Variants in GNB3 observed in about 807,000 individuals in gnomAD.
GNB3 encodes the protein guanine nucleotide-binding protein G(I)/G(S)/G(T) subunit beta-3.
GNB3 carries 33 observed loss-of-function variants against 41.2 expected under a neutral mutation model. The ratio of observed to expected loss-of-function variants is 0.80; its 90% CI spans 0.61 to 1.07. The LOEUF is 1.07. Ranked by LOEUF, GNB3 falls within the 50% of genes least tolerant of loss-of-function variation. The pLI is 0.00. For missense variants in GNB3, 409 were observed against 455.3 expected, an observed-to-expected ratio of 0.90 and a Z score of 0.92; for synonymous variants, 172 against 173.4, an observed-to-expected ratio of 0.99 and a Z score of 0.06.
At chr12:6,841,746 A>T (rs781887592) in intron 3 of GNB3, 122 bp downstream of exon 3, 54 of 764,632 alleles carry the variant, frequency 7.1e-5, no homozygotes, top group Non-Finnish European at 1.1e-4. Context: ...GAAACCCATT[A>T]ATTAATTCAT....
rs111644697 is a variant in GNB3 at position 6,846,701 on chromosome 12, C to CCACA, written c.917-87_917-84dup. On this transcript the variant is annotated intron_variant, in intron 9 of 9. Transcript: ENST00000229264. ...CACACACCCACATACACACACACAC[C>CCACA]CACACACCCACACATACACTTACAC... The CCACA allele has an allele frequency of 0.33, 223,676 of 683,106 alleles. 38,025 individuals carry two copies. Among genetic ancestry groups the CCACA allele is most frequent in the African/African-American group, 0.48 (25,592 of 53,736 alleles). 42.3% of individuals were successfully genotyped at this position (683,106 alleles called of 1,614,324 possible). A position where few individuals can be genotyped will look rare whatever the true frequency, so the allele number is the denominator to read the frequency against.
intron 9 of GNB3, 138 bp from the exon 10 acceptor site, chr12:6,846,654 T>C (rs1412593726): frequency 8.1e-6 from 5 of 617,160 alleles, no homozygotes; most frequent in African/African-American, 7.3e-5. Flanking sequence ...CACACATGCA[T>C]ACACATGCAC....
chr12:6,841,916 G>A, intron 3 of GNB3: 1 of 594,598 alleles, frequency 1.7e-6, no homozygotes, highest in Non-Finnish European at 3.1e-6. Flanking sequence ...AAATTATAAA[G>A]CCCTTGTAGA....
In GNB3 at chr12:6,843,567, G is replaced by C; in HGVS notation, c.430+42G>C. 6.2e-7 allele frequency: 1 copy of C among 1,613,140 alleles called. No homozygotes were observed. On this transcript the variant is annotated intron_variant, in intron 6 of 9. Transcript: ENST00000229264. The surrounding 1 kb of genome is among the most constrained non-coding windows in gnomAD (Gnocchi z 5.9). The stretch of plus-strand genomic sequence containing the variant: ...CTCCTCCCCTCCTGAGGGGTTCAGG[G>C]AACCCTGGGCTTCCAGTGGGCTGTG...
intron 8 of GNB3, among the ~76,000 whole-genome samples, 162 bp downstream of exon 8, chr12:6,844,140 C>T (rs781832299): frequency 2.7e-4 from 30 of 112,010 alleles, no homozygotes; most frequent in African/African-American, 9.8e-4. Flanking sequence ...CTCACTTTGT[C>T]GCCCAGGCTG....
chr12:6,841,473 C>A, intron 2 of GNB3, 113 bp from the exon 3 acceptor site: 2 of 1,186,166 alleles, frequency 1.7e-6, no homozygotes, highest in South Asian at 1.3e-5. Flanking sequence ...AAACTTGGTT[C>A]GCATATTTGA....
In GNB3 at chr12:6,843,587, G is replaced by T; in HGVS notation, c.431-45G>T. On this transcript the variant is annotated intron_variant, in intron 6 of 9. Coordinates refer to ENST00000229264, the MANE Select transcript of GNB3 (RefSeq NM_002075.4). The surrounding 1 kb of genome is among the most constrained non-coding windows in gnomAD (Gnocchi z 5.9). ...TCAGGGAACCCTGGGCTTCCAGTGG[G>T]CTGTGGCTCTGCAGCCAGGGCACTG... The T allele has an allele frequency of 6.2e-7, 1 of 1,612,144 alleles. No homozygotes were observed. Among genetic ancestry groups the T allele is most frequent in the African/African-American group, 1.3e-5 (1 of 75,004 alleles).
rs1943612800 is a variant in GNB3 at position 6,843,355 on chromosome 12, C to T, written c.268-8C>T. 6.2e-7 allele frequency: 1 copy of T among 1,613,758 alleles called. No homozygotes were observed. Among genetic ancestry groups the T allele is most frequent in the Non-Finnish European group, 8.5e-7 (1 of 1,179,768 alleles). ...GTCCCATCTCTGCTCAAACCACCCT[C>T]CCTGCAGGTGCACGCCATCCCACTG... On this transcript the variant is annotated splice_polypyrimidine_tract_variant and splice_region_variant and intron_variant, in intron 5 of 9. Coordinates refer to ENST00000229264, the MANE Select transcript of GNB3 (RefSeq NM_002075.4). This position sits in a 1 kb window ranked among gnomAD's most constrained non-coding sequence, Gnocchi z 5.9.
At position 6,843,433 on chromosome 12, in the gene GNB3, C is replaced by T; in HGVS notation, c.338C>T (p.Ala113Val). 2 of 1,614,086 alleles carry T rather than the reference C, an allele frequency of 1.2e-6. No homozygotes were observed. The highest frequency in any genetic ancestry group is 1.7e-6 in the Non-Finnish European group (2 of 1,179,916). Reference protein sequence around the residue: ...CAYAPSGNFVACGGLDNMCSI... With the variant: ...CAYAPSGNFVVCGGLDNMCSI... ...TATGCCCCATCAGGGAACTTTGTGG[C>T]ATGTGGGGGGCTGGACAACATGTGT... The change falls in exon 6 of 10, where the codon GCA becomes GTA. Residue 113 changes from alanine (A) to valine (V), a missense_variant. By Grantham distance (64) the Ala-to-Val change is moderately conservative. Coordinates refer to ENST00000229264, the MANE Select transcript of GNB3 (RefSeq NM_002075.4). The surrounding 1 kb of genome is among the most constrained non-coding windows in gnomAD (Gnocchi z 5.9).
At chr12:6,841,389 G>T (rs781958487) in intron 2 of GNB3, 45 bp downstream of exon 2, 2 of 1,548,986 alleles carry the variant, frequency 1.3e-6, no homozygotes, top group East Asian at 4.5e-5. Context: ...AACAGCTGGG[G>T]ACATGAGGAG....
chr12:6,843,931 T>C lies in GNB3; in HGVS notation c.652T>C (p.Cys218Arg). The C allele has an allele frequency of 6.2e-7, 1 of 1,613,928 alleles. No individual in the cohort carries two copies. Among genetic ancestry groups the C allele is most frequent in the Non-Finnish European group, 8.5e-7 (1 of 1,179,910 alleles). ...AKLWDVREGT[C>R]RQTFTGHESD... ...GCTCTGGGATGTGCGAGAGGGGACC[T>C]GCCGTCAGACTTTCACTGGCCACGA... The change falls in exon 8 of 10, where the codon TGC becomes CGC. Residue 218 changes from cysteine (C) to arginine (R), a missense_variant. Cys to Arg is a radical substitution (Grantham distance 180). Coordinates refer to ENST00000229264, the MANE Select transcript of GNB3 (RefSeq NM_002075.4). This position sits in a 1 kb window ranked among gnomAD's most constrained non-coding sequence, Gnocchi z 5.9.
At chr12:6,841,658 G>C (rs781828735) in intron 3 of GNB3, 34 bp downstream of exon 3, 27 of 1,560,906 alleles carry the variant, frequency 1.7e-5, no homozygotes, top group South Asian at 6.8e-5. Flanking sequence ...GGCAGGGCAT[G>C]GGGGGAGGGG....
In GNB3 at chr12:6,843,755, C is replaced by G. The variant is rs1336885642; in HGVS notation, c.498-22C>G. 2 of 1,612,570 alleles carry G rather than the reference C, an allele frequency of 1.2e-6. No homozygotes were observed. The highest frequency in any genetic ancestry group is 1.3e-5 in the African/African-American group (1 of 74,910). On this transcript the variant is annotated intron_variant, in intron 7 of 9. Coordinates refer to ENST00000229264, the MANE Select transcript of GNB3 (RefSeq NM_002075.4). The surrounding 1 kb of genome is among the most constrained non-coding windows in gnomAD (Gnocchi z 5.9). ...GGGAGTGGGCCCGGCCTTTCTCTAA[C>G]AGTCTCCCTCCATTTTGGCAGTGCC...
Position 6,843,947 on chromosome 12 carries a change from C to T in GNB3, c.668C>T (p.Thr223Ile), listed in dbSNP as rs782349724. The change falls in exon 8 of 10, where the codon ACT becomes ATT. Residue 223 changes from threonine (T) to isoleucine (I), a missense_variant. Physicochemically the swap from Thr to Ile is moderately conservative, Grantham distance 89. Coordinates refer to ENST00000229264, the MANE Select transcript of GNB3 (RefSeq NM_002075.4). The surrounding 1 kb of genome is among the most constrained non-coding windows in gnomAD (Gnocchi z 5.9). ...VREGTCRQTF[T>I]GHESDINAIC... is the part of the protein sequence containing the mutation. ...GAGGGGACCTGCCGTCAGACTTTCA[C>T]TGGCCACGAGTCGGACATCAACGCC... The T allele has an allele frequency of 1.5e-5, 25 of 1,613,576 alleles. No homozygotes were observed. The highest frequency in any genetic ancestry group is 1.8e-5 in the Non-Finnish European group (21 of 1,179,722).
At chr12:6,845,163 T>G (rs1168787208) in intron 8 of GNB3, 2 of 166,492 alleles carry the variant, frequency 1.2e-5, no homozygotes, top group African/African-American at 4.8e-5. Context: ...TTCTGTAGAC[T>G]CTCCCTCCGT....
At position 6,841,630 on chromosome 12, in the gene GNB3, AC is replaced by A; in HGVS notation, c.96+11del. 2 of 1,610,310 alleles carry A rather than the reference AC, an allele frequency of 1.2e-6. No individual in the cohort carries two copies. Among genetic ancestry groups the A allele is most frequent in the Non-Finnish European group, 1.7e-6 (2 of 1,177,438 alleles). On this transcript the variant is annotated splice_region_variant and intron_variant, in intron 3 of 9. Coordinates refer to ENST00000229264, the MANE Select transcript of GNB3 (RefSeq NM_002075.4). ...CTGACGTTACTCTGGCAGAGGTAAGACCCCCTGTCCCCCGGAAGGCAGGGCA... is the reference window on the plus strand; with the variant it reads ...CTGACGTTACTCTGGCAGAGGTAAGACCCCTGTCCCCCGGAAGGCAGGGCA...
At chr12:6,842,645 C>G (rs1943594274) in intron 3 of GNB3, among the ~76,000 whole-genome samples, 1 of 152,318 alleles carries the variant, frequency 6.6e-6, no homozygotes, top group African/African-American at 2.4e-5. Context: ...CATCTCTTCC[C>G]AAATCTGTTT....
rs782683626 is a variant in GNB3, at chr12:6,843,778, G to A, written c.499G>A (p.Ala167Thr). ...IVTSSGDTTCALWDIETGQQK... is the reference protein window; with the variant it reads ...IVTSSGDTTCTLWDIETGQQK... ...AACAGTCTCCCTCCATTTTGGCAGT[G>A]CCTTGTGGGACATTGAGACTGGGCA... Residue 167 changes from alanine (A) to threonine (T), a missense_variant and splice_region_variant, in exon 8 of 10, where the codon GCC (alanine) becomes ACC (threonine). Physicochemically the swap from Ala to Thr is moderately conservative, Grantham distance 58. Transcript: ENST00000229264. The surrounding 1 kb of genome is among the most constrained non-coding windows in gnomAD (Gnocchi z 5.9). 2 of 1,613,974 alleles carry A rather than the reference G, an allele frequency of 1.2e-6. No homozygotes were observed. The highest frequency in any genetic ancestry group is 1.7e-6 in the Non-Finnish European group (2 of 1,179,806).
At chr12:6,841,228 TC>T in intron 1 of GNB3, 29 bp from the exon 2 acceptor site, 1 of 1,419,744 alleles carries the variant, frequency 7.0e-7, no homozygotes, top group Non-Finnish European at 9.9e-7. Context: ...GGTGGGGGGT[TC>T]CTCAACACCG....
Sources: gnomAD v4.1 joint callset for allele counts (sites outside exome capture counted in the v4.1 genomes callset) on GRCh38, gnomAD v4.1.1 for gene constraint, Gnocchi (gnomAD v3.1) non-coding constraint, MANE v1.5 for transcripts, NCBI Gene and HGNC (gene_info 2026-07-23, HGNC 2026-07-21) for gene names.